Variants in ALPL observed in about 807,000 individuals in gnomAD.
ALPL encodes the protein alkaline phosphatase, biomineralization associated, also known as alkaline phosphatase, tissue-nonspecific isozyme.
A neutral mutation model predicts 51.3 loss-of-function variants in ALPL; 42 were observed. The observed-to-expected ratio is 0.82, with a 90% CI of 0.64 to 1.06. The LOEUF is 1.06. Among genes scored for constraint, ALPL ranks in the 50% least tolerant of loss-of-function variants. The pLI is 0.00. For synonymous variants in ALPL, 279 were observed against 296.4 expected, an observed-to-expected ratio of 0.94 and a Z score of 0.60; for missense variants, 589 against 709.4, an observed-to-expected ratio of 0.83 and a Z score of 1.93.
At chr1:21,545,777 C>T (rs895876761) in intron 1 of ALPL, among the ~76,000 whole-genome samples, 1 of 152,086 alleles carries the variant, frequency 6.6e-6, no homozygotes, top group Non-Finnish European at 1.5e-5. Flanking sequence ...GCAGATCGTT[C>T]ATTGCTCAAT....
At chr1:21,571,079 A>C (rs959273461) in intron 8 of ALPL, among the ~76,000 whole-genome samples, 2 of 152,174 alleles carry the variant, frequency 1.3e-5, no homozygotes, top group African/African-American at 4.8e-5. Context: ...CACATGGCAC[A>C]CACCCAGTAC....
At chr1:21,512,009 C>T (rs945718887) in intron 1 of ALPL, among the ~76,000 whole-genome samples, 2 of 152,086 alleles carry the variant, frequency 1.3e-5, no homozygotes, top group Non-Finnish European at 2.9e-5. Context: ...TAGCAGAGCC[C>T]GAGTTCTCAC....
At chr1:21,555,478 G>A (rs973271627) in intron 2 of ALPL, among the ~76,000 whole-genome samples, 27 of 152,280 alleles carry the variant, frequency 1.8e-4, no homozygotes, top group African/African-American at 6.3e-4. Context: ...GTGCAGTGAC[G>A]TGATCTCAGC....
intron 1 of ALPL, among the ~76,000 whole-genome samples, chr1:21,553,060 G>T (rs1462882803): frequency 2.7e-5 from 1 of 37,620 alleles, no homozygotes. Flanking sequence ...AGGCTACTTG[G>T]AAAATTCAAA....
At chr1:21,522,973 G>A (rs1643898922) in intron 1 of ALPL, among the ~76,000 whole-genome samples, 1 of 152,184 alleles carries the variant, frequency 6.6e-6, no homozygotes, top group African/African-American at 2.4e-5. Context: ...ACTCACGGAT[G>A]GGGAGCCAGG....
At chr1:21,554,343 C>T (rs1255029167) in intron 2 of ALPL, among the ~76,000 whole-genome samples, 1 of 124,860 alleles carries the variant, frequency 8.0e-6, no homozygotes. Flanking sequence ...TATATATACA[C>T]ACATACACAT....
intron 10 of ALPL, 61 bp from the exon 11 acceptor site, chr1:21,576,461 G>T (rs1644738583): frequency 1.2e-5 from 19 of 1,596,684 alleles, no homozygotes; most frequent in Non-Finnish European, 1.5e-5. Flanking sequence ...CCTAATCTGG[G>T]GGCTGGGGAC....
At chr1:21,575,542 T>C (rs1644715042) in intron 9 of ALPL, among the ~76,000 whole-genome samples, 191 bp from the exon 10 acceptor site, 1 of 152,232 alleles carries the variant, frequency 6.6e-6, no homozygotes, top group Non-Finnish European at 1.5e-5. Context: ...GGGCTGTCCC[T>C]CTCTGGCCTC....
chr1:21,530,888 C>T (rs1644019631), intron 1 of ALPL, among the ~76,000 whole-genome samples: 1 of 151,012 alleles, frequency 6.6e-6, no homozygotes, highest in Non-Finnish European at 1.5e-5. Context: ...TCAAGCACAC[C>T]TCCTGCCTCA....
At chr1:21,554,793 CTGTCTGTCTGTCTGTCTGT>C (rs1558543621) in intron 2 of ALPL, among the ~76,000 whole-genome samples, 12 of 38,264 alleles carry the variant, frequency 3.1e-4, no homozygotes, top group African/African-American at 1.1e-3. Context: ...CCTGGCCTGT[CTGTCTGTCTGTCTGTCTGT>C]CTGTCTTTCT....
chr1:21,576,207 TGATGGATGGATGATG>T (rs1224233643), intron 10 of ALPL, among the ~76,000 whole-genome samples: 2 of 149,120 alleles, frequency 1.3e-5, no homozygotes, highest in East Asian at 2.0e-4. Flanking sequence ...GCTGGCTGGA[TGATGGATGGATGATG>T]GATGGATGGA....
chr1:21,560,090 G>A (rs958808373), intron 2 of ALPL, among the ~76,000 whole-genome samples: 7 of 152,220 alleles, frequency 4.6e-5, no homozygotes, highest in African/African-American at 1.7e-4. Flanking sequence ...GGCAAGCTTC[G>A]CTTTCCAGCA....
intron 1 of ALPL, among the ~76,000 whole-genome samples, chr1:21,545,133 T>C (rs1273278059): frequency 6.6e-6 from 1 of 152,146 alleles, no homozygotes; most frequent in Non-Finnish European, 1.5e-5. Flanking sequence ...AGAAGGGAAT[T>C]ATTAAATCAA....
chr1:21,550,648 C>A (rs1644308747), intron 1 of ALPL, among the ~76,000 whole-genome samples: 1 of 152,120 alleles, frequency 6.6e-6, no homozygotes, highest in South Asian at 2.1e-4. Context: ...CCCACCCACC[C>A]AGATCAATCA....
At position 21,560,700 on chromosome 1, in the gene ALPL, C is replaced by T; in HGVS notation, c.136C>T (p.Leu46Phe). The T allele has an allele frequency of 6.2e-7, 1 of 1,614,166 alleles. No individual in the cohort carries two copies. The part of the protein sequence containing the change: ...TLKYALELQK[L>F]NTNVAKNVIM... ...GAAATATGCCCTGGAGCTTCAGAAGCTCAACACCAACGTGGCTAAGAATGT... is the reference window on the plus strand; with the variant it reads ...GAAATATGCCCTGGAGCTTCAGAAGTTCAACACCAACGTGGCTAAGAATGT... The change falls in exon 3 of 12, where the codon CTC (leucine) becomes TTC (phenylalanine). Residue 46 changes from leucine (L) to phenylalanine (F), a missense_variant. By Grantham distance (22) the Leu-to-Phe change is conservative. Coordinates refer to ENST00000374840, the MANE Select transcript of ALPL (RefSeq NM_000478.6).
At position 21,552,550 on chromosome 1, in the gene ALPL, A is replaced by G. The variant is rs796286063; in HGVS notation, c.-104-1428A>G. On this transcript the variant is annotated intron_variant, in intron 1 of 11. Coordinates refer to ENST00000374840, the MANE Select transcript of ALPL (RefSeq NM_000478.6). ...GAGCTGCAAAGAGAAGAATTTTTAA[A>G]AAGAAAAGAAACTTTTAAAAAATTA... Among the ~76,000 whole-genome samples the G allele has an allele frequency of 5.3e-5, 8 of 152,228 alleles. 1 individual carries two copies. The highest frequency in any genetic ancestry group is 1.9e-4 in the African/African-American group (8 of 41,564).
intron 1 of ALPL, among the ~76,000 whole-genome samples, chr1:21,518,404 A>G (rs1558525974): frequency 6.6e-6 from 1 of 152,156 alleles, no homozygotes; most frequent in Non-Finnish European, 1.5e-5. Flanking sequence ...TTTTCAGGTG[A>G]GGAGAATGAC....
At chr1:21,563,331 C>T in intron 5 of ALPL, 47 bp downstream of exon 5, 1 of 1,569,632 alleles carries the variant, frequency 6.4e-7, no homozygotes, top group Non-Finnish European at 8.7e-7. Flanking sequence ...CGTGGCCTGT[C>T]CAGGCCTCAG....
At chr1:21,535,444 T>G (rs1644092499) in intron 1 of ALPL, among the ~76,000 whole-genome samples, 1 of 152,086 alleles carries the variant, frequency 6.6e-6, no homozygotes, top group Admixed American at 6.6e-5. Flanking sequence ...AGACCTTGTC[T>G]CTACTAAAAA....
Sources: allele counts gnomAD v4.1 joint callset (sites outside exome capture counted in the v4.1 genomes callset), GRCh38; gene constraint gnomAD v4.1.1; transcripts MANE v1.5; gene names NCBI Gene and HGNC (gene_info 2026-07-23, HGNC 2026-07-21).